The following PADI6 variants were observed in gnomAD, a reference collection of about 807,000 sequenced individuals.
PADI6 encodes peptidyl arginine deiminase 6.
Under a neutral mutation model 78.2 loss-of-function variants are expected in PADI6, and 66 were observed. That is an observed-to-expected ratio of 0.84 (90% CI 0.69 to 1.04). PADI6 has a LOEUF of 1.04. Among genes scored for constraint, PADI6 ranks in the 50% least tolerant of loss-of-function variants. The pLI, the probability that PADI6 is intolerant of heterozygous loss-of-function variation, is 0.00. For synonymous variants in PADI6, 397 were observed against 346.9 expected (o/e 1.14, Z -1.60); for missense variants, 854 against 866.1 (o/e 0.99, Z 0.18).
At position 17,388,549 on chromosome 1, in the gene PADI6, C is replaced by T. The variant is rs1222711333; in HGVS notation, c.848C>T (p.Ser283Phe). The change falls in exon 7 of 16, where the codon TCT (serine) becomes TTT (phenylalanine). Residue 283 changes from serine to phenylalanine, a missense_variant. Ser to Phe is a radical substitution (Grantham distance 155, BLOSUM62 -2). Coordinates refer to ENST00000619609, the MANE Select transcript of PADI6 (RefSeq NM_207421.4). ...ISYSVSLVEE[S>F]QDPSIPETVL... ...TACTCTGTGTCCCTGGTGGAGGAGT[C>T]TCAAGACCCGGTATGTCCCCATAAT... is the stretch of plus-strand genomic sequence containing the variant. The T allele has an allele frequency of 1.2e-6, 2 of 1,610,568 alleles. No individual in the cohort carries two copies. The highest frequency in any genetic ancestry group is 1.7e-4 in the Middle Eastern group (1 of 6,054).
chr1:17,396,481 C>T (rs534115173), intron 13 of PADI6, among the ~76,000 whole-genome samples: 99 of 152,276 alleles, frequency 6.5e-4, no homozygotes, highest in African/African-American at 2.1e-3. Context: ...AGGGCCAGCG[C>T]ACCTGGGAGC....
At chr1:17,386,792 G>C (rs2075123953) in intron 6 of PADI6, among the ~76,000 whole-genome samples, 1 of 152,176 alleles carries the variant, frequency 6.6e-6, no homozygotes, top group South Asian at 2.1e-4. Context: ...CCATCGGGAG[G>C]GCTGCTGGGG....
At chr1:17,384,424 A>T (rs10888028) in intron 6 of PADI6, among the ~76,000 whole-genome samples, 87,491 of 151,898 alleles carry the variant, frequency 0.58, 25,334 homozygotes, top group South Asian at 0.66. Context: ...TGAGACCTTG[A>T]CTCTGAGATA....
intron 2 of PADI6, among the ~76,000 whole-genome samples, chr1:17,373,590 C>T (rs2074986040): frequency 6.6e-6 from 1 of 151,906 alleles, no homozygotes; most frequent in African/African-American, 2.4e-5. Context: ...TTCCCGGGTT[C>T]AAGCAATTCT....
chr1:17,372,627 C>T (rs1238144346), intron 1 of PADI6, among the ~76,000 whole-genome samples: 4 of 152,112 alleles, frequency 2.6e-5, no homozygotes, highest in East Asian at 3.9e-4. Flanking sequence ...TCTGTGAAAC[C>T]ATGGGGACGC....
chr1:17,378,960 G>GT (rs1421484258), intron 3 of PADI6, among the ~76,000 whole-genome samples: 1 of 143,698 alleles, frequency 7.0e-6, no homozygotes, highest in African/African-American at 2.6e-5. Context: ...TTTTTTGGGG[G>GT]GGGGGACAGA....
At chr1:17,398,933 T>C (rs909914245) in intron 15 of PADI6, 86 bp downstream of exon 15, 14 of 1,410,850 alleles carry the variant, frequency 9.9e-6, no homozygotes, top group Middle Eastern at 3.7e-4. Context: ...ACTGCAGATA[T>C]GGTGGACAGC....
intron 14 of PADI6, among the ~76,000 whole-genome samples, chr1:17,397,897 C>T (rs537270653): frequency 3.9e-5 from 6 of 152,258 alleles, no homozygotes; most frequent in African/African-American, 7.2e-5. Flanking sequence ...TCCTCACTTC[C>T]GAGAAGCTGA....
At chr1:17,385,197 T>TGA (rs368134304) in intron 6 of PADI6, among the ~76,000 whole-genome samples, 1 of 64,894 alleles carries the variant, frequency 1.5e-5, no homozygotes, top group Non-Finnish European at 3.8e-5. Flanking sequence ...CGATAGTGTT[T>TGA]GAGTAGTGTT....
chr1:17,384,794 C>T (rs529540330), intron 6 of PADI6, among the ~76,000 whole-genome samples: 1 of 152,318 alleles, frequency 6.6e-6, no homozygotes, highest in African/African-American at 2.4e-5. Flanking sequence ...AAGTCACAAT[C>T]CTCAGAATGG....
rs761432781 is a variant in PADI6, at chr1:17,388,862, T to C, written c.944T>C (p.Leu315Pro). ...CVFIPCTQVP[L>P]EVYLCRELQL... Reference sequence around the variant, plus strand: ...TTCATTCCCTGTACCCAGGTGCCTCTGGAGGTTTACCTGTGCAGGTGAGAG... The same window carrying C: ...TTCATTCCCTGTACCCAGGTGCCTCCGGAGGTTTACCTGTGCAGGTGAGAG... The change falls in exon 8 of 16, where the codon CTG (leucine) becomes CCG (proline). Residue 315 changes from leucine (L) to proline (P), a missense_variant. Transcript: ENST00000619609. 2.5e-6 allele frequency: 4 copies of C among 1,613,586 alleles called. No individual in the cohort carries two copies. Among genetic ancestry groups the C allele is most frequent in the Non-Finnish European group, 3.4e-6 (4 of 1,179,750 alleles).
intron 1 of PADI6, 106 bp from the exon 2 acceptor site, chr1:17,372,950 C>G: frequency 8.2e-7 from 1 of 1,219,000 alleles, no homozygotes; most frequent in Non-Finnish European, 1.2e-6. Context: ...CCTCAACACC[C>G]TAAGGAGAAT....
At chr1:17,388,653 G>T in intron 7 of PADI6, 94 bp downstream of exon 7, 1 of 1,464,234 alleles carries the variant, frequency 6.8e-7, no homozygotes, top group Admixed American at 2.0e-5. Context: ...GGTTTGCTGG[G>T]GGAGAGCTGC....
intron 15 of PADI6, among the ~76,000 whole-genome samples, chr1:17,400,233 G>T (rs542464233): frequency 6.6e-6 from 1 of 151,162 alleles, no homozygotes; most frequent in African/African-American, 2.4e-5. Context: ...ACATTCTGGG[G>T]CTGGGCGTGG....
intron 3 of PADI6, among the ~76,000 whole-genome samples, chr1:17,376,784 G>C (rs1290826600): frequency 6.6e-6 from 1 of 152,160 alleles, no homozygotes. Context: ...TCTCAAATTA[G>C]ACACCTACCA....
intron 6 of PADI6, 46 bp downstream of exon 6, chr1:17,382,138 C>T (rs1570130461): frequency 6.2e-7 from 1 of 1,603,166 alleles, no homozygotes; most frequent in Non-Finnish European, 8.5e-7. Context: ...TCTCGACGTG[C>T]CAGGCAAGTT....
At chr1:17,398,654 GCCC>G in intron 14 of PADI6, 29 bp from the exon 15 acceptor site, 1 of 173,478 alleles carries the variant, frequency 5.8e-6, no homozygotes, top group Non-Finnish European at 1.1e-5. Context: ...TTGCTCCCCC[GCCC>G]CCCCCCCCAC....
intron 7 of PADI6, 45 bp from the exon 8 acceptor site, chr1:17,388,732 G>A: frequency 1.3e-6 from 2 of 1,578,248 alleles, no homozygotes; most frequent in Non-Finnish European, 8.7e-7. Context: ...AGGGGAGCGA[G>A]TAAATGTGGA....
chr1:17,377,608 G>A (rs2075031704), intron 3 of PADI6, among the ~76,000 whole-genome samples: 1 of 152,206 alleles, frequency 6.6e-6, no homozygotes, highest in Non-Finnish European at 1.5e-5. Flanking sequence ...CTCCATCACA[G>A]TAGGCGGTAG....
Sources: allele counts gnomAD v4.1 joint callset (sites outside exome capture counted in the v4.1 genomes callset), GRCh38; gene constraint gnomAD v4.1.1; transcripts MANE v1.5; gene names NCBI Gene and HGNC (gene_info 2026-07-23, HGNC 2026-07-21).